The following NKAIN2 variants were observed in gnomAD, a reference collection of about 807,000 sequenced individuals.
NKAIN2 encodes the protein sodium/potassium-transporting ATPase subunit beta-1-interacting protein 2.
NKAIN2 carries 14 observed loss-of-function variants against 32.6 expected under a neutral mutation model. The observed-to-expected ratio is 0.43, with a 90% CI of 0.28 to 0.67. The LOEUF is 0.67. NKAIN2 is among the 30% of genes least tolerant of loss of function. The pLI is 0.17. For missense variants in NKAIN2, 198 were observed against 258.3 expected, an observed-to-expected ratio of 0.77 and a Z score of 1.60; for synonymous variants, 80 against 87.2, an observed-to-expected ratio of 0.92 and a Z score of 0.46.
intron 1 of NKAIN2, among the ~76,000 whole-genome samples, chr6:123,967,788 A>G (rs1778155127): frequency 6.6e-6 from 1 of 152,152 alleles, no homozygotes; most frequent in Admixed American, 6.5e-5. Flanking sequence ...TTAAGTATAG[A>G]GTGAGGGTTC....
At chr6:123,910,647 A>G (rs1775133260) in intron 1 of NKAIN2, among the ~76,000 whole-genome samples, 1 of 151,500 alleles carries the variant, frequency 6.6e-6, no homozygotes, top group African/African-American at 2.4e-5. Context: ...GGGACTATAC[A>G]GGCACGCACA....
intron 3 of NKAIN2, among the ~76,000 whole-genome samples, chr6:124,599,133 G>A (rs1348891652): frequency 1.3e-5 from 2 of 151,128 alleles, no homozygotes; most frequent in African/African-American, 4.9e-5. Context: ...TCTCTTCTTG[G>A]AAAACCTAAT....
chr6:124,482,145 C>G (rs139582546), intron 3 of NKAIN2, among the ~76,000 whole-genome samples: 1 of 152,126 alleles, frequency 6.6e-6, no homozygotes, highest in East Asian at 1.9e-4. Flanking sequence ...GGCTGAGTTA[C>G]AAACCTCTCA....
chr6:124,343,493 T>C (rs568133070), intron 2 of NKAIN2, among the ~76,000 whole-genome samples: 201 of 151,994 alleles, frequency 1.3e-3, no homozygotes, highest in Middle Eastern at 0.01. Context: ...CCAGCACCTG[T>C]TGTTTCCTGA....
At chr6:124,548,945 A>G (rs1272681220) in intron 3 of NKAIN2, among the ~76,000 whole-genome samples, 1 of 152,212 alleles carries the variant, frequency 6.6e-6, no homozygotes, top group African/African-American at 2.4e-5. Context: ...TTTTTGAGAA[A>G]GAGTAGAAAC....
intron 3 of NKAIN2, among the ~76,000 whole-genome samples, chr6:124,394,517 T>TACAG (rs1368941527): frequency 6.6e-6 from 1 of 151,892 alleles, no homozygotes; most frequent in African/African-American, 2.4e-5. Flanking sequence ...ATTAGATAGA[T>TACAG]ACAGACAGAC....
chr6:124,733,558 C>G (rs1303540110), intron 4 of NKAIN2, among the ~76,000 whole-genome samples: 3 of 151,768 alleles, frequency 2.0e-5, no homozygotes, highest in Non-Finnish European at 4.4e-5. Context: ...AATTCTGATA[C>G]TGCTATACAA....
intron 2 of NKAIN2, among the ~76,000 whole-genome samples, chr6:124,303,390 T>C (rs1206169604): frequency 6.6e-6 from 1 of 151,838 alleles, no homozygotes; most frequent in African/African-American, 2.4e-5. Context: ...AACAGGTAGA[T>C]CTCTACACTG....
At chr6:124,423,634 A>G (rs1774852565) in intron 3 of NKAIN2, among the ~76,000 whole-genome samples, 1 of 152,196 alleles carries the variant, frequency 6.6e-6, no homozygotes, top group Non-Finnish European at 1.5e-5. Flanking sequence ...AAGGTGATTA[A>G]TTCATGAGGG....
intron 1 of NKAIN2, among the ~76,000 whole-genome samples, chr6:123,839,091 A>AG (rs1249096807): frequency 6.6e-6 from 1 of 152,152 alleles, no homozygotes; most frequent in Non-Finnish European, 1.5e-5. Flanking sequence ...TATGCTGCTT[A>AG]GGGGGAGAGG....
chr6:124,823,362 C>A lies in NKAIN2; in HGVS notation c.*133C>A. ...ACGTATTAACAAAACAAATGCAAAGCCTCTACATACAACACTGACACACAC... is the reference window on the plus strand; with the variant it reads ...ACGTATTAACAAAACAAATGCAAAGACTCTACATACAACACTGACACACAC... On this transcript the variant is annotated 3_prime_UTR_variant, in exon 7 of 7. Transcript: ENST00000368417. 1 of 726,026 alleles carries A rather than the reference C, an allele frequency of 1.4e-6. No individual in the cohort carries two copies. Among genetic ancestry groups the A allele is most frequent in the Non-Finnish European group, 2.5e-6 (1 of 400,470 alleles). 45.0% of individuals were successfully genotyped at this position (726,026 alleles called of 1,614,324 possible).
chr6:124,266,510 C>A (rs190897466), intron 1 of NKAIN2, among the ~76,000 whole-genome samples: 2 of 152,186 alleles, frequency 1.3e-5, no homozygotes, highest in Admixed American at 6.5e-5. Flanking sequence ...AACTCCTGAG[C>A]TCTAGTGATT....
At chr6:123,843,057 G>A (rs1329976362) in intron 1 of NKAIN2, among the ~76,000 whole-genome samples, 3 of 152,128 alleles carry the variant, frequency 2.0e-5, no homozygotes, top group South Asian at 2.1e-4. Flanking sequence ...ACCGGCCTGC[G>A]ACAATATCTA....
intron 1 of NKAIN2, among the ~76,000 whole-genome samples, chr6:123,968,193 A>C (rs926261778): frequency 5.3e-5 from 8 of 152,174 alleles, no homozygotes; most frequent in Non-Finnish European, 1.0e-4. Context: ...GGGGAAAAGA[A>C]AAGCAGCTGA....
chr6:124,207,074 C>G (rs1790931355), intron 1 of NKAIN2, among the ~76,000 whole-genome samples: 1 of 151,304 alleles, frequency 6.6e-6, no homozygotes, highest in Non-Finnish European at 1.5e-5. Flanking sequence ...TGCATATAAC[C>G]TGTCAGTGCC....
chr6:124,080,706 A>G (rs1276845542), intron 1 of NKAIN2, among the ~76,000 whole-genome samples: 1 of 151,706 alleles, frequency 6.6e-6, no homozygotes, highest in African/African-American at 2.4e-5. Context: ...CTAGCTCTGC[A>G]CACAAACACA....
intron 1 of NKAIN2, among the ~76,000 whole-genome samples, chr6:123,882,503 CTG>C (rs1185575496): frequency 6.6e-6 from 1 of 152,066 alleles, no homozygotes; most frequent in African/African-American, 2.4e-5. Flanking sequence ...ATGCAAAATA[CTG>C]TGTGTATTAT....
intron 1 of NKAIN2, among the ~76,000 whole-genome samples, chr6:124,225,668 A>C (rs1792067059): frequency 6.6e-6 from 1 of 152,104 alleles, no homozygotes; most frequent in African/African-American, 2.4e-5. Context: ...TAAATATATA[A>C]AAATATGAGA....
intron 4 of NKAIN2, among the ~76,000 whole-genome samples, chr6:124,693,803 T>A (rs1389652749): frequency 6.6e-6 from 1 of 152,306 alleles, no homozygotes; most frequent in Non-Finnish European, 1.5e-5. Flanking sequence ...ATTAGCACAC[T>A]GTTCTTTACA....
Sources: allele counts gnomAD v4.1 joint callset (sites outside exome capture counted in the v4.1 genomes callset), GRCh38; gene constraint gnomAD v4.1.1; transcripts MANE v1.5; gene names NCBI Gene and HGNC (gene_info 2026-07-23, HGNC 2026-07-21).